Variants in NKAIN2 observed in about 807,000 individuals in gnomAD.
NKAIN2 encodes sodium/potassium transporting ATPase interacting 2.
NKAIN2 carries 14 observed loss-of-function variants against 32.6 expected under a neutral mutation model. The observed-to-expected ratio is 0.43, with a 90% CI of 0.28 to 0.67. The LOEUF (loss-of-function observed/expected upper bound fraction) is 0.67, where lower values mean the gene tolerates loss of function less well. NKAIN2 is among the 30% of genes least tolerant of loss of function. NKAIN2 has a pLI of 0.17. For missense variants in NKAIN2, 198 were observed against 258.3 expected (o/e 0.77, Z 1.60); for synonymous variants, 80 against 87.2 (o/e 0.92, Z 0.46).
intron 1 of NKAIN2, among the ~76,000 whole-genome samples, chr6:123,938,396 TTATATA>T (rs71021471): frequency 5.0e-3 from 268 of 53,730 alleles, no homozygotes; most frequent in Middle Eastern, 9.6e-3. Context: ...TTTGCAAGGG[TTATATA>T]TATATATATA....
At chr6:124,335,094 G>C (rs1464493881) in intron 2 of NKAIN2, among the ~76,000 whole-genome samples, 2 of 151,810 alleles carry the variant, frequency 1.3e-5, no homozygotes, top group Non-Finnish European at 2.9e-5. Flanking sequence ...CGAAATATTG[G>C]TAAATGCCTA....
rs538072362 is a variant in NKAIN2, at chr6:124,231,467, T to C, written c.55-51538T>C. Among the ~76,000 whole-genome samples, 13 of 152,314 alleles carry C rather than the reference T, an allele frequency of 8.5e-5. No individual in the cohort carries two copies. In the South Asian group the frequency reaches 1.9e-3, roughly 22 times the overall value. ...TTGGGAGGGACCTGGGGTGGAATTA[T>C]ATGGTTTGGTTCTGTGTCCCCACCC... is the stretch of plus-strand genomic sequence containing the variant. On this transcript the variant is annotated intron_variant, in intron 1 of 6. Transcript: ENST00000368417.
At chr6:123,810,661 A>G (rs149315465) in intron 1 of NKAIN2, among the ~76,000 whole-genome samples, 442 of 151,704 alleles carry the variant, frequency 2.9e-3, no homozygotes, top group African/African-American at 9.0e-3. Flanking sequence ...TTTTTTTTAA[A>G]TCCAGCTCTT....
intron 1 of NKAIN2, among the ~76,000 whole-genome samples, chr6:124,131,993 T>G: frequency 6.6e-6 from 1 of 152,248 alleles, no homozygotes; most frequent in South Asian, 2.1e-4. Flanking sequence ...GCTTGCTTTC[T>G]CAGAAGGGAA....
At chr6:124,766,495 A>G (rs1778521121) in intron 4 of NKAIN2, among the ~76,000 whole-genome samples, 1 of 152,130 alleles carries the variant, frequency 6.6e-6, no homozygotes, top group Non-Finnish European at 1.5e-5. Flanking sequence ...TCATTGTTGT[A>G]TTTTGTGTAA....
intron 1 of NKAIN2, among the ~76,000 whole-genome samples, chr6:124,262,410 C>A (rs574392053): frequency 1.5e-3 from 221 of 152,212 alleles, no homozygotes; most frequent in Non-Finnish European, 2.7e-3. Context: ...CTTGAAATTG[C>A]AGCAGGATTC....
chr6:124,111,985 C>T (rs1785407351), intron 1 of NKAIN2, among the ~76,000 whole-genome samples: 1 of 151,994 alleles, frequency 6.6e-6, no homozygotes, highest in Admixed American at 6.6e-5. Context: ...TTATTATTTT[C>T]AAAATCTATT....
chr6:124,175,593 C>G (rs1459735334), intron 1 of NKAIN2, among the ~76,000 whole-genome samples: 1 of 152,118 alleles, frequency 6.6e-6, no homozygotes, highest in Non-Finnish European at 1.5e-5. Flanking sequence ...CAATGACTAC[C>G]CACTTAGTAG....
At chr6:123,949,480 T>C (rs1777225582) in intron 1 of NKAIN2, among the ~76,000 whole-genome samples, 1 of 151,966 alleles carries the variant, frequency 6.6e-6, no homozygotes, top group African/African-American at 2.4e-5. Flanking sequence ...GTAACTTTCA[T>C]GAGTATCTTA....
chr6:124,386,739 A>G (rs1241442517), intron 3 of NKAIN2, among the ~76,000 whole-genome samples: 1 of 152,104 alleles, frequency 6.6e-6, no homozygotes, highest in African/African-American at 2.4e-5. Context: ...GACAAGATAA[A>G]TTCTCTTCTC....
At chr6:123,932,682 G>C (rs1028390132) in intron 1 of NKAIN2, among the ~76,000 whole-genome samples, 33 of 151,792 alleles carry the variant, frequency 2.2e-4, no homozygotes, top group African/African-American at 8.0e-4. Context: ...CTCCCAAAGT[G>C]CTGGGATTAC....
intron 3 of NKAIN2, among the ~76,000 whole-genome samples, chr6:124,575,545 C>T (rs1781299034): frequency 6.6e-6 from 1 of 152,178 alleles, no homozygotes; most frequent in Non-Finnish European, 1.5e-5. Context: ...TTCTGCCACC[C>T]TGCTTCTGCA....
At chr6:124,799,742 T>C (rs2114828017) in intron 5 of NKAIN2, among the ~76,000 whole-genome samples, 2 of 152,316 alleles carry the variant, frequency 1.3e-5, no homozygotes, top group South Asian at 2.1e-4. Flanking sequence ...GATGTTGTTT[T>C]AATAGCCTTA....
chr6:124,227,086 G>GC, intron 1 of NKAIN2, among the ~76,000 whole-genome samples: 1 of 72,380 alleles, frequency 1.4e-5, no homozygotes, highest in East Asian at 3.7e-4. Flanking sequence ...TCTCTTGGAG[G>GC]CAAAAAAAAA....
At chr6:124,066,079 A>G (rs1783159242) in intron 1 of NKAIN2, among the ~76,000 whole-genome samples, 1 of 152,142 alleles carries the variant, frequency 6.6e-6, no homozygotes, top group African/African-American at 2.4e-5. Flanking sequence ...CACAATCTCA[A>G]CTTTTTGACC....
At chr6:124,558,064 A>G (rs1343209483) in intron 3 of NKAIN2, among the ~76,000 whole-genome samples, 1 of 152,226 alleles carries the variant, frequency 6.6e-6, no homozygotes, top group Non-Finnish European at 1.5e-5. Flanking sequence ...AAAATCCATT[A>G]ACTGTTCTCT....
intron 3 of NKAIN2, among the ~76,000 whole-genome samples, chr6:124,633,363 A>G (rs1470939107): frequency 6.6e-6 from 1 of 152,222 alleles, no homozygotes; most frequent in Non-Finnish European, 1.5e-5. Context: ...AAAGTTAACA[A>G]TAAGTTGCAG....
intron 1 of NKAIN2, among the ~76,000 whole-genome samples, chr6:123,954,395 G>A (rs1006070320): frequency 6.9e-6 from 1 of 145,542 alleles, no homozygotes; most frequent in African/African-American, 2.9e-5. Flanking sequence ...TAGGATGGTG[G>A]ACTATAGGGG....
chr6:124,408,300 G>C (rs966305594), intron 3 of NKAIN2, among the ~76,000 whole-genome samples: 8 of 152,238 alleles, frequency 5.3e-5, no homozygotes. Flanking sequence ...GTATTGTCTA[G>C]GTTTTCTTCT....
Sources: gnomAD v4.1 joint callset for allele counts (sites outside exome capture counted in the v4.1 genomes callset) on GRCh38, gnomAD v4.1.1 for gene constraint, MANE v1.5 for transcripts, NCBI Gene and HGNC (gene_info 2026-07-23, HGNC 2026-07-21) for gene names.